KCNE1: variants seen among roughly 807,000 people sequenced by gnomAD.
KCNE1 encodes the protein potassium voltage-gated channel subfamily E member 1.
KCNE1 carries 1 observed loss-of-function variant against 2.9 expected under a neutral mutation model. The ratio of observed to expected loss-of-function variants is 0.34; its 90% CI spans 0.12 to 1.62. KCNE1 has a LOEUF of 1.62. Ranked by LOEUF, KCNE1 falls within the 40% of genes most tolerant of loss-of-function variation. KCNE1 has a pLI of 0.36. For missense variants in KCNE1, 45 were observed against 150.5 expected, an observed-to-expected ratio of 0.30 and a Z score of 3.67; for synonymous variants, 23 against 65.4, an observed-to-expected ratio of 0.35 and a Z score of 3.13.
intron 2 of KCNE1, among the ~76,000 whole-genome samples, chr21:34,500,892 C>T (rs533835648): frequency 6.6e-6 from 1 of 152,252 alleles, no homozygotes; most frequent in African/African-American, 2.4e-5. Context: ...AACCAGTTTC[C>T]CATTGGTGGA....
At chr21:34,499,257 A>C (rs906464973) in intron 2 of KCNE1, among the ~76,000 whole-genome samples, 1 of 152,196 alleles carries the variant, frequency 6.6e-6, no homozygotes, top group African/African-American at 2.4e-5. Flanking sequence ...AACAGCACCA[A>C]GTTTATCTCT....
intron 2 of KCNE1, among the ~76,000 whole-genome samples, chr21:34,507,580 T>C (rs1348357150): frequency 6.6e-6 from 1 of 152,114 alleles, no homozygotes; most frequent in East Asian, 1.9e-4. Flanking sequence ...TCCTGGGGGA[T>C]TAAATGATGG....
intron 2 of KCNE1, among the ~76,000 whole-genome samples, chr21:34,504,165 G>A (rs1292409697): frequency 1.3e-5 from 2 of 152,196 alleles, no homozygotes; most frequent in Non-Finnish European, 2.9e-5. Context: ...CCACTCCGTC[G>A]TGGAGGGAGA....
At chr21:34,503,221 G>A (rs1983272738) in intron 2 of KCNE1, among the ~76,000 whole-genome samples, 1 of 152,156 alleles carries the variant, frequency 6.6e-6, no homozygotes, top group Non-Finnish European at 1.5e-5. Flanking sequence ...CAATTAATTT[G>A]TTAGAGCAGC....
At chr21:34,502,537 G>A (rs1384627808) in intron 2 of KCNE1, among the ~76,000 whole-genome samples, 1 of 152,198 alleles carries the variant, frequency 6.6e-6, no homozygotes, top group Admixed American at 6.5e-5. Context: ...TTACGTTAGA[G>A]CCCTTGTCAT....
intron 2 of KCNE1, among the ~76,000 whole-genome samples, chr21:34,507,185 G>A (rs1007584042): frequency 1.3e-5 from 2 of 152,148 alleles, no homozygotes; most frequent in Non-Finnish European, 1.5e-5. Context: ...ATAATAAAGT[G>A]AGAAATGATG....
chr21:34,510,333 C>T (rs1379426158), intron 2 of KCNE1: 1 of 152,266 alleles, frequency 6.6e-6, no homozygotes, highest in Non-Finnish European at 1.5e-5. Context: ...ATGACACCCA[C>T]CCGCTGAGCC....
intron 2 of KCNE1, chr21:34,509,458 CT>C (rs1202873355): frequency 3.3e-5 from 5 of 149,750 alleles, no homozygotes; most frequent in East Asian, 2.0e-4. Flanking sequence ...TTTTTTTTAA[CT>C]TTTTTTTTGT....
At chr21:34,500,695 C>T (rs1289332581) in intron 2 of KCNE1, among the ~76,000 whole-genome samples, 2 of 152,148 alleles carry the variant, frequency 1.3e-5, no homozygotes, top group African/African-American at 2.4e-5. Flanking sequence ...TATGTACACA[C>T]ATATATAATC....
intron 2 of KCNE1, among the ~76,000 whole-genome samples, chr21:34,497,083 G>A (rs536633121): frequency 5.1e-4 from 78 of 152,218 alleles, no homozygotes; most frequent in African/African-American, 1.8e-3. Context: ...CTTGAAGATG[G>A]CAGATACTTG....
rs562980849 is a variant in KCNE1 at position 34,500,804 on chromosome 21, G to T, written c.-162+10297C>A. 1.3e-3 allele frequency among the ~76,000 whole-genome samples: 201 copies of T among 152,210 alleles called. 1 individual carries two copies. Among genetic ancestry groups the T allele is most frequent in the African/African-American group, 4.7e-3 (195 of 41,526 alleles). ...ATTATTCCATAGTGGTTAATGGCAGGCATTTTTTATTCTTCTTTCTTATGG... is the reference window on the plus strand; with the variant it reads ...ATTATTCCATAGTGGTTAATGGCAGTCATTTTTTATTCTTCTTTCTTATGG... On this transcript the variant is annotated intron_variant, in intron 2 of 3. Coordinates refer to ENST00000399286, the MANE Select transcript of KCNE1 (RefSeq NM_000219.6).
intron 2 of KCNE1, among the ~76,000 whole-genome samples, chr21:34,504,461 G>A (rs976421999): frequency 1.3e-5 from 2 of 152,154 alleles, no homozygotes; most frequent in African/African-American, 4.8e-5. Flanking sequence ...ACACTCCTAC[G>A]CTGCTGGTGG....
At chr21:34,497,176 G>C (rs1161251913) in intron 2 of KCNE1, among the ~76,000 whole-genome samples, 1 of 152,142 alleles carries the variant, frequency 6.6e-6, no homozygotes, top group Non-Finnish European at 1.5e-5. Flanking sequence ...TTAGTGCTGA[G>C]ATGTGAGGTA....
At chr21:34,501,913 C>A (rs1353275185) in intron 2 of KCNE1, among the ~76,000 whole-genome samples, 1 of 152,222 alleles carries the variant, frequency 6.6e-6, no homozygotes, top group Non-Finnish European at 1.5e-5. Flanking sequence ...TAACAATGTG[C>A]ACCATTGTCT....
In KCNE1 at chr21:34,498,199, C is replaced by T. The variant is rs140496192; in HGVS notation, c.-162+12902G>A. Among the ~76,000 whole-genome samples the T allele has an allele frequency of 2.2e-4, 34 of 152,212 alleles. No individual in the cohort carries two copies. In the East Asian group the frequency reaches 6.6e-3, roughly 29 times the overall value. On this transcript the variant is annotated intron_variant, in intron 2 of 3. Transcript: ENST00000399286. ...CTTTATCTGGCAATTTAGATTTCTTCTGGGTTTGGATGCATTGCTGGGAAG... is the reference window on the plus strand; with the variant it reads ...CTTTATCTGGCAATTTAGATTTCTTTTGGGTTTGGATGCATTGCTGGGAAG...
intron 2 of KCNE1, among the ~76,000 whole-genome samples, chr21:34,508,488 G>A (rs896679931): frequency 9.9e-5 from 15 of 151,972 alleles, no homozygotes; most frequent in African/African-American, 2.9e-4. Context: ...GATTACAGGC[G>A]CACACCATCA....
chr21:34,495,949 A>G (rs933589426), intron 2 of KCNE1, among the ~76,000 whole-genome samples: 1 of 151,962 alleles, frequency 6.6e-6, no homozygotes, highest in African/African-American at 2.4e-5. Context: ...TTGTTTCTCT[A>G]GTTCCTTGAG....
intron 2 of KCNE1, among the ~76,000 whole-genome samples, chr21:34,501,142 T>A (rs573017588): frequency 1.2e-4 from 18 of 152,336 alleles, no homozygotes; most frequent in African/African-American, 4.3e-4. Flanking sequence ...CAAGTTGGAC[T>A]TCTCAATCAG....
intron 2 of KCNE1, among the ~76,000 whole-genome samples, chr21:34,498,001 T>C (rs1274932414): frequency 6.6e-6 from 1 of 152,216 alleles, no homozygotes; most frequent in African/African-American, 2.4e-5. Flanking sequence ...GCATTTTATC[T>C]TTCTCTAAGT....
Sources: gnomAD v4.1 joint callset for allele counts (sites outside exome capture counted in the v4.1 genomes callset) on GRCh38, gnomAD v4.1.1 for gene constraint, MANE v1.5 for transcripts, NCBI Gene and HGNC (gene_info 2026-07-23, HGNC 2026-07-21) for gene names.